SOX5: variants seen among roughly 807,000 people sequenced by gnomAD.
The protein encoded by SOX5 is transcription factor SOX-5.
Under a neutral mutation model 92.0 loss-of-function variants are expected in SOX5, and 9 were observed. The ratio of observed to expected loss-of-function variants is 0.10; its 90% CI spans 0.06 to 0.17. The LOEUF is 0.17. Among genes scored for constraint, SOX5 ranks in the 10% least tolerant of loss-of-function variants. The probability of loss-of-function intolerance (pLI) is 1.00; values close to 1 mark genes in which losing one functional copy is unlikely to be tolerated. For synonymous variants in SOX5, 344 were observed against 336.3 expected, an observed-to-expected ratio of 1.02 and a Z score of -0.25; for missense variants, 642 against 944.5, an observed-to-expected ratio of 0.68 and a Z score of 4.20.
chr12:24,100,755 C>A (rs145245590), intron 4 of SOX5, among the ~76,000 whole-genome samples: 1 of 152,052 alleles, frequency 6.6e-6, no homozygotes, highest in Non-Finnish European at 1.5e-5. Flanking sequence ...AACAGAGCGC[C>A]CAGAACTCTT....
intron 1 of SOX5, among the ~76,000 whole-genome samples, chr12:24,470,479 A>C (rs1019528519): frequency 1.3e-5 from 2 of 151,674 alleles, no homozygotes; most frequent in South Asian, 2.1e-4. Context: ...TCACGGAAAC[A>C]CTTAAATCCA....
At chr12:23,653,492 C>T (rs1394185572) in intron 7 of SOX5, among the ~76,000 whole-genome samples, 1 of 152,060 alleles carries the variant, frequency 6.6e-6, no homozygotes, top group Non-Finnish European at 1.5e-5. Flanking sequence ...CTGTATATTA[C>T]CACTGCTTAT....
At chr12:24,518,169 A>G (rs1949964472) in intron 1 of SOX5, among the ~76,000 whole-genome samples, 1 of 151,620 alleles carries the variant, frequency 6.6e-6, no homozygotes, top group Admixed American at 6.6e-5. Context: ...CCCAGCTTCC[A>G]GTGTTTCTCA....
At chr12:23,783,343 T>C (rs1567723749) in intron 3 of SOX5, among the ~76,000 whole-genome samples, 2 of 152,214 alleles carry the variant, frequency 1.3e-5, no homozygotes, top group Non-Finnish European at 2.9e-5. Flanking sequence ...ATGAGAAGGA[T>C]AGTACCTTAG....
intron 1 of SOX5, among the ~76,000 whole-genome samples, chr12:24,559,090 T>C (rs1043513107): frequency 1.3e-5 from 2 of 152,238 alleles, no homozygotes; most frequent in African/African-American, 4.8e-5. Flanking sequence ...AAATTGGACT[T>C]TTATTTCATT....
intron 8 of SOX5, among the ~76,000 whole-genome samples, chr12:23,615,026 A>G (rs890809309): frequency 6.6e-6 from 1 of 151,062 alleles, no homozygotes; most frequent in African/African-American, 2.4e-5. Context: ...ATGTTCTCGA[A>G]CTCCTGACCT....
intron 9 of SOX5, among the ~76,000 whole-genome samples, chr12:23,580,411 T>C (rs181436424): frequency 5.9e-5 from 9 of 152,156 alleles, no homozygotes; most frequent in Admixed American, 5.2e-4. Context: ...TGCTATTCTA[T>C]ACATTAAAAA....
intron 2 of SOX5, among the ~76,000 whole-genome samples, chr12:23,874,711 T>G (rs1568531455): frequency 6.6e-6 from 1 of 152,126 alleles, no homozygotes; most frequent in Non-Finnish European, 1.5e-5. Flanking sequence ...GGTCATGGAA[T>G]CTACTGAGTA....
chr12:24,529,448 T>A (rs762749050), intron 1 of SOX5, among the ~76,000 whole-genome samples: 2 of 152,222 alleles, frequency 1.3e-5, no homozygotes, highest in Non-Finnish European at 2.9e-5. Flanking sequence ...ATACTCAATT[T>A]ATATACCACA....
intron 8 of SOX5, among the ~76,000 whole-genome samples, chr12:23,622,695 C>T (rs1046101307): frequency 6.6e-6 from 1 of 152,046 alleles, no homozygotes; most frequent in Non-Finnish European, 1.5e-5. Flanking sequence ...ATCACACTTC[C>T]ATAAACTTTA....
intron 4 of SOX5, among the ~76,000 whole-genome samples, chr12:24,138,075 T>C (rs1290761210): frequency 2.0e-5 from 3 of 152,232 alleles, no homozygotes; most frequent in African/African-American, 7.2e-5. Context: ...AAAGGTATCA[T>C]GCTATTTTGG....
At chr12:23,968,257 G>A (rs1373726355) in intron 4 of SOX5, among the ~76,000 whole-genome samples, 6 of 152,132 alleles carry the variant, frequency 3.9e-5, no homozygotes, top group African/African-American at 1.2e-4. Context: ...CACATACAGT[G>A]TGATCAAAAC....
intron 2 of SOX5, among the ~76,000 whole-genome samples, chr12:24,295,340 A>T (rs117088172): frequency 0.017 from 2,514 of 152,272 alleles, 34 homozygotes; most frequent in Non-Finnish European, 0.025. Context: ...ACATGTATCT[A>T]TTCAAAGTCT....
At chr12:24,364,504 AT>A (rs1955939801) in intron 2 of SOX5, among the ~76,000 whole-genome samples, 1 of 107,050 alleles carries the variant, frequency 9.3e-6, no homozygotes, top group Admixed American at 1.1e-4. Context: ...ACAACTTAAC[AT>A]TTTTTCATAT....
chr12:24,034,498 C>A (rs12322292), intron 4 of SOX5, among the ~76,000 whole-genome samples: 12,377 of 151,696 alleles, frequency 0.082, 892 homozygotes, highest in African/African-American at 0.2. Flanking sequence ...AAAGGAGAAC[C>A]AATAACTATT....
intron 1 of SOX5, among the ~76,000 whole-genome samples, chr12:24,483,155 T>G (rs998661540): frequency 6.6e-6 from 1 of 152,206 alleles, no homozygotes; most frequent in Admixed American, 6.5e-5. Flanking sequence ...TTTAGATAGA[T>G]TCTTCAATTT....
chr12:24,336,680 T>C (rs1224620234), intron 2 of SOX5, among the ~76,000 whole-genome samples: 1 of 152,114 alleles, frequency 6.6e-6, no homozygotes, highest in Non-Finnish European at 1.5e-5. Flanking sequence ...ACTACCTAAA[T>C]ATAGTGTGCT....
intron 1 of SOX5, among the ~76,000 whole-genome samples, chr12:24,379,877 T>TTTTTTG (rs1957652325): frequency 2.7e-4 from 2 of 7,300 alleles, no homozygotes; most frequent in African/African-American, 1.2e-3. Flanking sequence ...CAGAAGATTC[T>TTTTTTG]TTTTTTTTTC....
In SOX5 at chr12:23,981,514, G is replaced by A. The variant is rs574365924; in HGVS notation, c.-1-85490C>T. On this transcript the variant is annotated intron_variant, in intron 4 of 4. Coordinates refer to the SOX5 transcript ENST00000446891. ...ACTGCCAGGAATAATGAGCAGAGAT[G>A]AATTTGTTTTATTTATTGCATTTTT... 2.6e-5 allele frequency among the ~76,000 whole-genome samples: 4 copies of A among 152,216 alleles called. No individual in the cohort carries two copies. In the South Asian group the frequency reaches 8.3e-4, roughly 32 times the overall value.
Sources: allele counts gnomAD v4.1 joint callset (sites outside exome capture counted in the v4.1 genomes callset), GRCh38; gene constraint gnomAD v4.1.1; transcripts MANE v1.5; gene names NCBI Gene and HGNC (gene_info 2026-07-23, HGNC 2026-07-21).